PDE4D: variants seen among roughly 807,000 people sequenced by gnomAD.
PDE4D encodes phosphodiesterase 4D.
PDE4D carries 24 observed loss-of-function variants against 87.4 expected under a neutral mutation model. The ratio of observed to expected loss-of-function variants is 0.27; its 90% CI spans 0.20 to 0.39. PDE4D has a LOEUF of 0.39. Ranked by LOEUF, PDE4D falls within the 10% of genes least tolerant of loss-of-function variation. The probability of loss-of-function intolerance (pLI) is 1.00; values close to 1 mark genes in which losing one functional copy is unlikely to be tolerated. For synonymous variants in PDE4D, 384 were observed against 383.2 expected (o/e 1.00, Z -0.02); for missense variants, 714 against 1,041.0 (o/e 0.69, Z 4.32).
chr5:60,087,225 G>C (rs1774629210), intron 2 of PDE4D, among the ~76,000 whole-genome samples: 1 of 152,140 alleles, frequency 6.6e-6, no homozygotes. Context: ...AGAAATAACA[G>C]GCCAACATTG....
chr5:59,180,425 A>C lies in PDE4D; in HGVS notation c.808+170T>G. 6 of 723,662 alleles carry C rather than the reference A, an allele frequency of 8.3e-6. No individual in the cohort carries two copies. The South Asian group carries it at 9.3e-5, about 11-fold the overall frequency. The allele number at this position is 723,662 out of a possible 1,614,324, so 44.8% of individuals were successfully genotyped here. ...TAAATCGGTAAAAATGTTCCAAATA[A>C]CAGCTTAGACAATTTGTGAGATCAA... On this transcript the variant is annotated intron_variant, in intron 5 of 14. Coordinates refer to ENST00000340635, the MANE Select transcript of PDE4D (RefSeq NM_001104631.2).
intron 1 of PDE4D, among the ~76,000 whole-genome samples, chr5:59,816,830 G>C (rs73092818): frequency 6.6e-6 from 1 of 152,142 alleles, no homozygotes; most frequent in Non-Finnish European, 1.5e-5. Flanking sequence ...AAGAGATATC[G>C]TGGGTGGGAG....
chr5:59,636,456 C>T (rs1463975461), intron 1 of PDE4D, among the ~76,000 whole-genome samples: 2 of 151,610 alleles, frequency 1.3e-5, no homozygotes, highest in Non-Finnish European at 3.0e-5. Flanking sequence ...AACAAACAAA[C>T]AAACAAAAAA....
chr5:59,893,031 T>G, intron 1 of PDE4D, 137 bp downstream of exon 1: 2 of 848,062 alleles, frequency 2.4e-6, no homozygotes, highest in Non-Finnish European at 3.6e-6. Context: ...ACACCCCTGT[T>G]TGTCCTCCCC....
At chr5:59,830,477 C>A (rs1419940149) in intron 1 of PDE4D, among the ~76,000 whole-genome samples, 1 of 152,082 alleles carries the variant, frequency 6.6e-6, no homozygotes, top group Non-Finnish European at 1.5e-5. Flanking sequence ...TTTCAGTCAT[C>A]ATCCAAGAAA....
At chr5:60,366,794 A>T (rs904821568) in intron 1 of PDE4D, among the ~76,000 whole-genome samples, 1 of 152,240 alleles carries the variant, frequency 6.6e-6, no homozygotes, top group Admixed American at 6.5e-5. Flanking sequence ...GGAGAATTTA[A>T]ACTTCATGCA....
intron 1 of PDE4D, among the ~76,000 whole-genome samples, chr5:59,403,426 T>C (rs1791052572): frequency 6.6e-6 from 1 of 152,152 alleles, no homozygotes; most frequent in Non-Finnish European, 1.5e-5. Context: ...TTTGTACCCA[T>C]TAAACATCCC....
At chr5:60,407,240 C>T (rs1741615015) in intron 1 of PDE4D, among the ~76,000 whole-genome samples, 1 of 151,930 alleles carries the variant, frequency 6.6e-6, no homozygotes, top group Non-Finnish European at 1.5e-5. Flanking sequence ...AGCTCCCGAG[C>T]ACACTGGAGC....
intron 1 of PDE4D, among the ~76,000 whole-genome samples, chr5:59,451,484 A>G (rs1175642128): frequency 6.6e-6 from 1 of 152,182 alleles, no homozygotes; most frequent in Non-Finnish European, 1.5e-5. Context: ...CCTGGGGATA[A>G]CCGACATATA....
chr5:59,274,154 C>T (rs995675570), intron 1 of PDE4D, among the ~76,000 whole-genome samples: 4 of 152,004 alleles, frequency 2.6e-5, no homozygotes, highest in Admixed American at 1.3e-4. Context: ...CAGGACTCTC[C>T]AAATTTGTTT....
At chr5:60,349,960 C>T (rs762169679) in intron 1 of PDE4D, among the ~76,000 whole-genome samples, 1 of 152,092 alleles carries the variant, frequency 6.6e-6, no homozygotes, top group Admixed American at 6.6e-5. Flanking sequence ...CATCAATGAA[C>T]AGATTGCCAA....
intron 1 of PDE4D, among the ~76,000 whole-genome samples, chr5:59,271,226 A>G (rs1252046054): frequency 6.6e-6 from 1 of 151,996 alleles, no homozygotes; most frequent in East Asian, 1.9e-4. Flanking sequence ...TTTAGTAGAG[A>G]CAGGGTTGCG....
At chr5:59,377,151 C>T in intron 1 of PDE4D, among the ~76,000 whole-genome samples, 1 of 152,104 alleles carries the variant, frequency 6.6e-6, no homozygotes, top group East Asian at 1.9e-4. Context: ...GGTGTGGTGG[C>T]TCACACCTGT....
intron 6 of PDE4D, among the ~76,000 whole-genome samples, chr5:59,025,343 GA>G (rs752588918): frequency 6.6e-6 from 1 of 152,012 alleles, no homozygotes; most frequent in Non-Finnish European, 1.5e-5. Flanking sequence ...TATGGTCAAA[GA>G]ATGTACTCCT....
rs1174144716 is a variant in PDE4D at position 58,990,837 on chromosome 5, C to T, written c.1254G>A (p.Arg418=). 1.9e-6 allele frequency: 3 copies of T among 1,603,188 alleles called. No individual in the cohort carries two copies. Among genetic ancestry groups the T allele is most frequent in the Admixed American group, 3.4e-5 (2 of 59,276 alleles). ...VFRIAELSGN[R]PLTVIMHTIF... The stretch of plus-strand genomic sequence containing the variant: ...TGGTGTGCATGATAACAGTCAAGGG[C>T]CGGTTACCAGACAACTCTGCTATTC... Residue 418 remains arginine, a synonymous_variant, in exon 9 of 15, where the codon CGG becomes CGA. Transcript: ENST00000340635.
At chr5:59,574,703 C>T (rs750804305) in intron 1 of PDE4D, among the ~76,000 whole-genome samples, 7 of 152,102 alleles carry the variant, frequency 4.6e-5, no homozygotes, top group Non-Finnish European at 8.8e-5. Context: ...TTTTCATACT[C>T]CTTATTACTT....
intron 1 of PDE4D, among the ~76,000 whole-genome samples, chr5:59,449,508 T>C (rs1798831376): frequency 6.6e-6 from 1 of 152,260 alleles, no homozygotes; most frequent in African/African-American, 2.4e-5. Context: ...GGAGCCTTTA[T>C]ATGAATTTTT....
chr5:60,093,250 C>T (rs1775325997), intron 2 of PDE4D, among the ~76,000 whole-genome samples: 2 of 152,136 alleles, frequency 1.3e-5, no homozygotes, highest in African/African-American at 4.8e-5. Flanking sequence ...CCCTGCTTAT[C>T]CTTTGAAAGG....
intron 1 of PDE4D, among the ~76,000 whole-genome samples, chr5:59,783,942 T>C (rs1764882239): frequency 6.6e-6 from 1 of 152,094 alleles, no homozygotes; most frequent in Admixed American, 6.5e-5. Context: ...CCTGTGGTCT[T>C]AGCTATTTGG....
Sources: gnomAD v4.1 joint callset for allele counts (sites outside exome capture counted in the v4.1 genomes callset) on GRCh38, gnomAD v4.1.1 for gene constraint, MANE v1.5 for transcripts, NCBI Gene and HGNC (gene_info 2026-07-23, HGNC 2026-07-21) for gene names.